The following TLE4 variants were observed in gnomAD, a reference collection of about 807,000 sequenced individuals.
The protein encoded by TLE4 is TLE family member 4, transcriptional corepressor, also known as transducin-like enhancer protein 4.
In TLE4, 8 loss-of-function variants were observed where a neutral mutation model predicts 92.8. The ratio of observed to expected loss-of-function variants is 0.09; its 90% CI spans 0.05 to 0.16. TLE4 has a LOEUF of 0.16. Among genes scored for constraint, TLE4 ranks in the 10% least tolerant of loss-of-function variants. The pLI, the probability that TLE4 is intolerant of heterozygous loss-of-function variation, is 1.00. For synonymous variants in TLE4, 371 were observed against 374.1 expected (o/e 0.99, Z 0.10); for missense variants, 675 against 997.6 (o/e 0.68, Z 4.36).
intron 6 of TLE4, among the ~76,000 whole-genome samples, chr9:79,651,372 G>A (rs965228948): frequency 3.3e-5 from 5 of 152,092 alleles, no homozygotes; most frequent in African/African-American, 4.8e-5. Flanking sequence ...TGCCCACCGC[G>A]GTTCCTGTAG....
At chr9:79,653,229 A>C (rs116737970) in intron 7 of TLE4, among the ~76,000 whole-genome samples, 105 of 152,358 alleles carry the variant, frequency 6.9e-4, no homozygotes, top group African/African-American at 2.5e-3. Flanking sequence ...TAGAGCAGTA[A>C]AAATCTCACA....
In TLE4 at chr9:79,721,192, G is replaced by A. The variant is rs535301202; in HGVS notation, c.1839-549G>A. On this transcript the variant is annotated intron_variant, in intron 16 of 19. Transcript: ENST00000376552. ...TGTTTTCTCCTGGTGACCTTGGTACGTTTTGCCATGAGTGATTCCTGGGCC... is the reference window on the plus strand; with the variant it reads ...TGTTTTCTCCTGGTGACCTTGGTACATTTTGCCATGAGTGATTCCTGGGCC... Among the ~76,000 whole-genome samples, 21 of 152,300 alleles carry A rather than the reference G, an allele frequency of 1.4e-4. No individual in the cohort carries two copies. The East Asian group carries it at 2.9e-3, about 21-fold the overall frequency.
intron 8 of TLE4, among the ~76,000 whole-genome samples, chr9:79,675,873 T>G (rs1414747120): frequency 6.6e-6 from 1 of 152,150 alleles, no homozygotes; most frequent in African/African-American, 2.4e-5. Flanking sequence ...TTTGGGAATA[T>G]TTGCATTATA....
chr9:79,629,507 A>C (rs934870051), intron 6 of TLE4, among the ~76,000 whole-genome samples: 1 of 152,208 alleles, frequency 6.6e-6, no homozygotes, highest in Non-Finnish European at 1.5e-5. Context: ...ATTAAAATAA[A>C]GCTAACTTAA....
chr9:79,580,568 C>G (rs755140597), intron 4 of TLE4, among the ~76,000 whole-genome samples: 3 of 151,982 alleles, frequency 2.0e-5, no homozygotes, highest in African/African-American at 4.8e-5. Context: ...GACCACATTT[C>G]CCTTATGATA....
At chr9:79,596,067 C>T (rs941989914) in intron 4 of TLE4, among the ~76,000 whole-genome samples, 6 of 152,144 alleles carry the variant, frequency 3.9e-5, no homozygotes, top group South Asian at 2.1e-4. Context: ...AGGATGGTCT[C>T]GATCTCCTGA....
At chr9:79,635,488 C>T (rs1473574542) in intron 6 of TLE4, among the ~76,000 whole-genome samples, 9 of 149,382 alleles carry the variant, frequency 6.0e-5, no homozygotes, top group Admixed American at 5.3e-4. Context: ...ACATGTTATT[C>T]TGGGGTTTCT....
At chr9:79,642,293 G>C (rs986199884) in intron 6 of TLE4, among the ~76,000 whole-genome samples, 5 of 152,034 alleles carry the variant, frequency 3.3e-5, no homozygotes, top group African/African-American at 1.2e-4. Flanking sequence ...TGCCCAGATT[G>C]GAATATAGTG....
intron 8 of TLE4, among the ~76,000 whole-genome samples, chr9:79,666,169 G>C (rs1425286067): frequency 4.4e-4 from 62 of 142,040 alleles, no homozygotes; most frequent in Admixed American, 1.5e-3. Context: ...TCATCTGTGT[G>C]TGTGTGTGTG....
At chr9:79,701,529 G>A (rs943528618) in intron 8 of TLE4, among the ~76,000 whole-genome samples, 1 of 152,092 alleles carries the variant, frequency 6.6e-6, no homozygotes, top group Non-Finnish European at 1.5e-5. Flanking sequence ...CAGAATCAGA[G>A]AATTGTTAAT....
chr9:79,676,069 T>A (rs2063206104), intron 8 of TLE4, among the ~76,000 whole-genome samples: 3 of 152,122 alleles, frequency 2.0e-5, no homozygotes, highest in Admixed American at 1.3e-4. Context: ...CACAAGATGC[T>A]TGAAGCTAGA....
chr9:79,640,319 A>G (rs2056871706), intron 6 of TLE4, among the ~76,000 whole-genome samples: 1 of 152,166 alleles, frequency 6.6e-6, no homozygotes, highest in African/African-American at 2.4e-5. Context: ...AGATAGTTTG[A>G]GTTACTTTTG....
Position 79,573,549 on chromosome 9 carries a change from G to A in TLE4, c.46-140G>A, listed in dbSNP as rs908728253. 7.8e-5 allele frequency: 65 copies of A among 832,444 alleles called. 1 individual carries two copies. Among genetic ancestry groups the A allele is most frequent in the Non-Finnish European group, 2.5e-5 (15 of 588,942 alleles). 51.6% of individuals were successfully genotyped at this position (832,444 alleles called of 1,614,324 possible). ...TGGGCTGTTGGGCGCGAGGAGGGTT[G>A]CGGGAGGAGAGTTTTAATCTCTCTT... On this transcript the variant is annotated intron_variant, in intron 1 of 19. Transcript: ENST00000376552.
intron 8 of TLE4, among the ~76,000 whole-genome samples, chr9:79,658,434 T>C (rs1184500982): frequency 1.3e-5 from 2 of 152,198 alleles, no homozygotes; most frequent in South Asian, 4.1e-4. Context: ...TCATTATTTG[T>C]GTTTAAGGCA....
At chr9:79,701,371 A>G (rs960110645) in intron 8 of TLE4, among the ~76,000 whole-genome samples, 2 of 152,248 alleles carry the variant, frequency 1.3e-5, no homozygotes, top group Non-Finnish European at 2.9e-5. Flanking sequence ...TAAGAAAAAT[A>G]TAAAGTATTT....
At chr9:79,722,101 G>A (rs1169834419) in intron 17 of TLE4, among the ~76,000 whole-genome samples, 17 of 152,108 alleles carry the variant, frequency 1.1e-4, no homozygotes. Context: ...GGAGGCAGTG[G>A]TTGCACTGAG....
rs781686270 is a variant in TLE4, at chr9:79,720,013, T to C, written c.1591-33T>C. The stretch of plus-strand genomic sequence containing the variant: ...TGTTAATGCTGTTTTCCTTTCCTCA[T>C]GAGTAATCTCTTGATGGTTTTTGTC... On this transcript the variant is annotated intron_variant, in intron 15 of 19. Coordinates refer to ENST00000376552, the MANE Select transcript of TLE4 (RefSeq NM_007005.6). The C allele has an allele frequency of 3.8e-6, 6 of 1,577,528 alleles. No individual in the cohort carries two copies. In the South Asian group the frequency reaches 5.7e-5, roughly 15 times the overall value.
chr9:79,602,422 A>G (rs1455166262), intron 4 of TLE4, among the ~76,000 whole-genome samples: 2 of 152,196 alleles, frequency 1.3e-5, no homozygotes, highest in Non-Finnish European at 2.9e-5. Context: ...TATGTGACTA[A>G]TGCAGCTGGT....
intron 8 of TLE4, among the ~76,000 whole-genome samples, chr9:79,671,925 T>TAAA (rs199524403): frequency 7.7e-6 from 1 of 129,638 alleles, no homozygotes; most frequent in African/African-American, 2.9e-5. Flanking sequence ...GTTTCTCCGT[T>TAAA]AAAAAAAAAA....
Sources: allele counts gnomAD v4.1 joint callset (sites outside exome capture counted in the v4.1 genomes callset), GRCh38; gene constraint gnomAD v4.1.1; transcripts MANE v1.5; gene names NCBI Gene and HGNC (gene_info 2026-07-23, HGNC 2026-07-21).